KCNQ3: variants seen among roughly 807,000 people sequenced by gnomAD.
The protein encoded by KCNQ3 is potassium voltage-gated channel subfamily Q member 3, also known as potassium voltage-gated channel subfamily KQT member 3.
A neutral mutation model predicts 92.5 loss-of-function variants in KCNQ3; 30 were observed. That is an observed-to-expected ratio of 0.32 (90% CI 0.24 to 0.44). The LOEUF (loss-of-function observed/expected upper bound fraction) is 0.44. KCNQ3 is among the 20% of genes least tolerant of loss of function. KCNQ3 has a pLI of 1.00. For synonymous variants in KCNQ3, 450 were observed against 468.8 expected, an observed-to-expected ratio of 0.96 and a Z score of 0.52; for missense variants, 913 against 1,140.3, an observed-to-expected ratio of 0.80 and a Z score of 2.87.
chr8:132,381,748 C>G (rs1819756881), intron 1 of KCNQ3, among the ~76,000 whole-genome samples: 1 of 152,224 alleles, frequency 6.6e-6, no homozygotes, highest in South Asian at 2.1e-4. Flanking sequence ...CACCCCCAAA[C>G]CCCAGCTACA....
chr8:132,334,421 C>T (rs1818310462), intron 1 of KCNQ3, among the ~76,000 whole-genome samples: 1 of 152,016 alleles, frequency 6.6e-6, no homozygotes, highest in Admixed American at 6.5e-5. Context: ...CTCAAAAAAA[C>T]AAAAATAGAA....
intron 1 of KCNQ3, among the ~76,000 whole-genome samples, chr8:132,219,983 C>T (rs1814168557): frequency 6.6e-6 from 1 of 152,090 alleles, no homozygotes; most frequent in African/African-American, 2.4e-5. Context: ...GAGCATGAAT[C>T]CCAAAAACCT....
chr8:132,155,332 G>A (rs1380116164), intron 9 of KCNQ3, among the ~76,000 whole-genome samples: 5 of 152,170 alleles, frequency 3.3e-5, no homozygotes, highest in Admixed American at 1.3e-4. Context: ...GAAGCAAGGA[G>A]AAAAGTGTTG....
rs560678003 is a variant in KCNQ3, at chr8:132,312,053, G to A, written c.387-125872C>T. ...ATGCATCTACACACCAGGGAATGTC[G>A]AAAACTGCTGGCAGCCACCAGCAGC... On this transcript the variant is annotated intron_variant, in intron 1 of 14. Coordinates refer to ENST00000388996, the MANE Select transcript of KCNQ3 (RefSeq NM_004519.4). Among the ~76,000 whole-genome samples the A allele has an allele frequency of 3.3e-5, 5 of 152,286 alleles. No homozygotes were observed. The East Asian group carries it at 7.7e-4, about 24-fold the overall frequency.
In KCNQ3 at chr8:132,137,896, G is replaced by A. The variant is rs145389478; in HGVS notation, c.1689C>T (p.Tyr563=). 6.8e-6 allele frequency: 11 copies of A among 1,614,068 alleles called. No homozygotes were observed. Among genetic ancestry groups the A allele is most frequent in the Non-Finnish European group, 9.3e-6 (11 of 1,180,012 alleles). ...GHLDMLSRIK[Y]LQTRIDMIFT... is the part of the protein sequence containing the mutation. ...TGTGACTGTCTCACCTCGTCTGAAG[G>A]TACTTTATCCTGGAAAGCATGTCGA... The change falls in exon 12 of 15, where the codon TAC becomes TAT. Residue 563 remains tyrosine (Y), a synonymous_variant. Transcript: ENST00000388996.
At chr8:132,211,382 G>A (rs1254795422) in intron 1 of KCNQ3, among the ~76,000 whole-genome samples, 2 of 152,168 alleles carry the variant, frequency 1.3e-5, no homozygotes, top group African/African-American at 4.8e-5. Context: ...TGATAGCAAT[G>A]CAAAAATAAT....
At chr8:132,315,159 A>G (rs1175491409) in intron 1 of KCNQ3, among the ~76,000 whole-genome samples, 1 of 152,184 alleles carries the variant, frequency 6.6e-6, no homozygotes, top group Non-Finnish European at 1.5e-5. Context: ...TGAGAAATTG[A>G]ATATATTTAG....
chr8:132,170,427 G>C lies in KCNQ3; in HGVS notation c.1142C>G (p.Ala381Gly). The C allele has an allele frequency of 1.2e-6, 2 of 1,610,582 alleles. No individual in the cohort carries two copies. Among genetic ancestry groups the C allele is most frequent in the Non-Finnish European group, 1.7e-6 (2 of 1,177,076 alleles). ...RRKPAAELIQ[A>G]AWRYYATNPN... is the part of the protein sequence containing the mutation. ...GTTGGTAGCATAATACCTCCAGGCA[G>C]CCTGAGGGGCAGAAAAGAGGGGCAA... The change falls in exon 8 of 15, where the codon GCT becomes GGT. Residue 381 changes from alanine to glycine, a missense_variant and splice_region_variant. Around this residue, in one of 6 missense-constraint regions of KCNQ3, gnomAD observed 52 missense variants for 127.7 expected, o/e 0.41. Transcript: ENST00000388996.
At chr8:132,226,115 C>CA (rs1814410499) in intron 1 of KCNQ3, among the ~76,000 whole-genome samples, 1 of 152,000 alleles carries the variant, frequency 6.6e-6, no homozygotes, top group Non-Finnish European at 1.5e-5. Context: ...ACTAAAAATA[C>CA]AAAAAATTAG....
At chr8:132,211,952 CAAAAA>C (rs200457183) in intron 1 of KCNQ3, among the ~76,000 whole-genome samples, 1 of 62,686 alleles carries the variant, frequency 1.6e-5, no homozygotes. Flanking sequence ...GACTCCATCT[CAAAAA>C]AAAAAAAAAA....
At chr8:132,414,300 G>A (rs868110443) in intron 1 of KCNQ3, among the ~76,000 whole-genome samples, 6 of 152,142 alleles carry the variant, frequency 3.9e-5, no homozygotes, top group African/African-American at 1.2e-4. Context: ...TCAGGAGGGA[G>A]CAGGGAAGCC....
At chr8:132,336,790 C>T (rs7011017) in intron 1 of KCNQ3, among the ~76,000 whole-genome samples, 13 of 152,200 alleles carry the variant, frequency 8.5e-5, no homozygotes, top group Non-Finnish European at 1.3e-4. Context: ...TCAGAGACAT[C>T]CAATACAACT....
intron 1 of KCNQ3, among the ~76,000 whole-genome samples, chr8:132,368,304 A>G (rs189297467): frequency 2.1e-4 from 32 of 152,262 alleles, no homozygotes; most frequent in African/African-American, 7.2e-4. Context: ...CTGTATACAC[A>G]CTGTGTGTGC....
In KCNQ3 at chr8:132,262,634, G is replaced by GTTTT. The variant is rs10629932; in HGVS notation, c.387-76457_387-76454dup. On this transcript the variant is annotated intron_variant, in intron 1 of 14. Coordinates refer to ENST00000388996, the MANE Select transcript of KCNQ3 (RefSeq NM_004519.4). ...TGAAGGGGTGGAATTTCTTACAGCAGTTTTTTTTTTTTTTTTACCATGATA... is the reference window on the plus strand; with the variant it reads ...TGAAGGGGTGGAATTTCTTACAGCAGTTTTTTTTTTTTTTTTTTTTACCATGATA... Among the ~76,000 whole-genome samples the GTTTT allele has an allele frequency of 4.6e-4, 65 of 141,824 alleles. 1 individual carries two copies. Among genetic ancestry groups the GTTTT allele is most frequent in the South Asian group, 1.6e-3 (7 of 4,416 alleles). The allele number at this position is 141,824 out of a possible 152,430, so 93.0% of individuals were successfully genotyped here.
intron 1 of KCNQ3, among the ~76,000 whole-genome samples, chr8:132,409,615 C>A (rs79061711): frequency 1.3e-5 from 2 of 152,172 alleles, no homozygotes; most frequent in African/African-American, 4.8e-5. Flanking sequence ...CATCATCTAC[C>A]TTCACAACCT....
At chr8:132,169,769 A>T (rs1444462965) in intron 8 of KCNQ3, among the ~76,000 whole-genome samples, 3 of 152,264 alleles carry the variant, frequency 2.0e-5, no homozygotes, top group Non-Finnish European at 4.4e-5. Context: ...CCTGGGGAGC[A>T]TCAAATATAC....
intron 1 of KCNQ3, among the ~76,000 whole-genome samples, chr8:132,188,313 T>C (rs1475318182): frequency 2.0e-5 from 3 of 152,222 alleles, no homozygotes; most frequent in Admixed American, 2.0e-4. Context: ...ATGCTCATCA[T>C]TGGCCAGTCA....
In KCNQ3 at chr8:132,129,095, T is replaced by C; in HGVS notation, c.*167A>G. The C allele has an allele frequency of 1.5e-6, 1 of 686,434 alleles. No individual in the cohort carries two copies. Among genetic ancestry groups the C allele is most frequent in the Non-Finnish European group, 2.5e-6 (1 of 402,290 alleles). The allele number at this position is 686,434 out of a possible 1,614,324, so 42.5% of individuals were successfully genotyped here. A position where few individuals can be genotyped will look rare whatever the true frequency, so the allele number is the denominator to read the frequency against. Reference sequence around the variant, plus strand: ...AAGGAAGCACTTTGTTGTGGTGACATGGGGAGGAAGAGGCTGTGGGAAGCC... The same window carrying C: ...AAGGAAGCACTTTGTTGTGGTGACACGGGGAGGAAGAGGCTGTGGGAAGCC... On this transcript the variant is annotated 3_prime_UTR_variant, in exon 15 of 15. Coordinates refer to ENST00000388996, the MANE Select transcript of KCNQ3 (RefSeq NM_004519.4). The surrounding 1 kb of genome is among the most constrained non-coding windows in gnomAD (Gnocchi z 5.9).
chr8:132,444,761 G>T (rs1425566077), intron 1 of KCNQ3, among the ~76,000 whole-genome samples: 1 of 152,196 alleles, frequency 6.6e-6, no homozygotes, highest in Admixed American at 6.5e-5. Flanking sequence ...GTGGGATTTG[G>T]TGGCATTGGA....
Sources: allele counts gnomAD v4.1 joint callset (sites outside exome capture counted in the v4.1 genomes callset), GRCh38; gene constraint gnomAD v4.1.1; regional missense constraint gnomAD v4.1.1; non-coding constraint Gnocchi (gnomAD v3.1); transcripts MANE v1.5; gene names NCBI Gene and HGNC (gene_info 2026-07-23, HGNC 2026-07-21).